Variants in SORCS2 observed in about 807,000 individuals in gnomAD.
SORCS2 encodes the protein sortilin related VPS10 domain containing receptor 2.
A neutral mutation model predicts 141.6 loss-of-function variants in SORCS2; 100 were observed. The ratio of observed to expected loss-of-function variants is 0.71; its 90% confidence interval spans 0.60 to 0.83. The LOEUF (loss-of-function observed/expected upper bound fraction) is 0.83, where lower values mean the gene tolerates loss of function less well. Among genes scored for constraint, SORCS2 ranks in the 40% least tolerant of loss-of-function variants. The pLI is 0.00. For synonymous variants in SORCS2, 789 were observed against 676.9 expected (o/e 1.17, Z -2.57); for missense variants, 1,646 against 1,560.2 (o/e 1.05, Z -0.93).
At chr4:7,394,844 A>T (rs1033152698) in intron 1 of SORCS2, among the ~76,000 whole-genome samples, 1 of 152,026 alleles carries the variant, frequency 6.6e-6, no homozygotes, top group Non-Finnish European at 1.5e-5. Context: ...CCAAGATCAG[A>T]TTGGGAGGGG....
At chr4:7,227,524 G>T (rs916769321) in intron 1 of SORCS2, among the ~76,000 whole-genome samples, 5 of 152,192 alleles carry the variant, frequency 3.3e-5, no homozygotes, top group African/African-American at 1.2e-4. Context: ...TGTGGGTGAG[G>T]TGGGCTTTCT....
chr4:7,516,808 G>C (rs375849031), intron 2 of SORCS2, among the ~76,000 whole-genome samples: 2 of 152,168 alleles, frequency 1.3e-5, no homozygotes, highest in Non-Finnish European at 2.9e-5. Context: ...TCTCATCCAC[G>C]TTTGCAGGTA....
At chr4:7,554,875 A>G (rs1343547002) in intron 3 of SORCS2, among the ~76,000 whole-genome samples, 4 of 152,206 alleles carry the variant, frequency 2.6e-5, no homozygotes, top group African/African-American at 9.6e-5. Flanking sequence ...ATATTGGAAC[A>G]CCTGCCTCCA....
At chr4:7,242,775 G>A (rs1355487499) in intron 1 of SORCS2, among the ~76,000 whole-genome samples, 2 of 152,222 alleles carry the variant, frequency 1.3e-5, no homozygotes, top group African/African-American at 2.4e-5. Context: ...CAGGATTTGA[G>A]CTGATGCTCG....
At chr4:7,631,400 G>C (rs11735230) in intron 3 of SORCS2, among the ~76,000 whole-genome samples, 2 of 151,542 alleles carry the variant, frequency 1.3e-5, no homozygotes, top group Non-Finnish European at 2.9e-5. Flanking sequence ...AGGCAGGGAG[G>C]GGGTGGGAGG....
At chr4:7,491,444 G>A (rs1490693653) in intron 2 of SORCS2, among the ~76,000 whole-genome samples, 1 of 152,244 alleles carries the variant, frequency 6.6e-6, no homozygotes, top group East Asian at 1.9e-4. Context: ...AGGTGCAGCG[G>A]CTGCACTTTT....
rs10006013 is a variant in SORCS2, at chr4:7,682,342, A to G, written c.1342-401A>G. On this transcript the variant is annotated intron_variant, in intron 9 of 26. Transcript: ENST00000507866. ...CTATTGGTCCAGGATGTGTGGTCCA[A>G]TAGAAAGAAGAGGCACTGGGAGGAT... 7.6e-3 allele frequency among the ~76,000 whole-genome samples: 1,161 copies of G among 152,216 alleles called. 15 individuals carry two copies. Among genetic ancestry groups the G allele is most frequent in the African/African-American group, 0.027 (1,118 of 41,526 alleles).
intron 3 of SORCS2, among the ~76,000 whole-genome samples, chr4:7,532,103 C>G (rs1341723508): frequency 6.6e-6 from 1 of 152,196 alleles, no homozygotes; most frequent in Non-Finnish European, 1.5e-5. Flanking sequence ...TGACTTTGCT[C>G]TCTGGCTGGC....
intron 3 of SORCS2, among the ~76,000 whole-genome samples, chr4:7,552,842 G>C (rs1377775550): frequency 6.6e-6 from 1 of 152,160 alleles, no homozygotes; most frequent in South Asian, 2.1e-4. Context: ...GGGGCCTCTG[G>C]AGAGAGCTTA....
chr4:7,303,187 C>T (rs981391867), intron 1 of SORCS2, among the ~76,000 whole-genome samples: 1 of 152,156 alleles, frequency 6.6e-6, no homozygotes, highest in Non-Finnish European at 1.5e-5. Flanking sequence ...TGGGGTCAGC[C>T]GAGAGACAGC....
chr4:7,740,587 A>G lies in SORCS2; in HGVS notation c.*323A>G. The G allele has an allele frequency of 2.5e-6, 1 of 407,300 alleles. No individual in the cohort carries two copies. 25.2% of individuals were successfully genotyped at this position (407,300 alleles called of 1,614,324 possible). On this transcript the variant is annotated 3_prime_UTR_variant, in exon 27 of 27. Coordinates refer to ENST00000507866, the MANE Select transcript of SORCS2 (RefSeq NM_020777.3). ...CCCGAGGCCTGACTTCTCTGGGCTG[A>G]GGCTGGTCGTCCTGGAGCCCTCCCA... is the stretch of plus-strand genomic sequence containing the variant.
chr4:7,646,247 A>G (rs533085399), intron 4 of SORCS2, among the ~76,000 whole-genome samples: 72 of 152,126 alleles, frequency 4.7e-4, no homozygotes, highest in East Asian at 2.5e-3. Context: ...GGCTGGGGAC[A>G]GTGCCGCCAA....
At chr4:7,466,861 T>G (rs1346479636) in intron 2 of SORCS2, among the ~76,000 whole-genome samples, 2 of 152,162 alleles carry the variant, frequency 1.3e-5, no homozygotes, top group African/African-American at 4.8e-5. Flanking sequence ...ACGCTGTCAC[T>G]TGACCTCTAT....
chr4:7,392,162 G>T (rs1723907555), intron 1 of SORCS2, among the ~76,000 whole-genome samples: 1 of 152,230 alleles, frequency 6.6e-6, no homozygotes, highest in Non-Finnish European at 1.5e-5. Flanking sequence ...CCACGCTGTG[G>T]AACTCCTCGT....
At chr4:7,714,877 C>T (rs1158866066) in intron 16 of SORCS2, among the ~76,000 whole-genome samples, 1 of 152,044 alleles carries the variant, frequency 6.6e-6, no homozygotes, top group Admixed American at 6.5e-5. Context: ...TCAGGCTGGG[C>T]CCTGCCAGCA....
chr4:7,573,308 A>G (rs1715517879), intron 3 of SORCS2, among the ~76,000 whole-genome samples: 1 of 152,176 alleles, frequency 6.6e-6, no homozygotes, highest in Non-Finnish European at 1.5e-5. Flanking sequence ...AAAATTAGCC[A>G]CTCCAGAGAC....
At chr4:7,377,887 T>C (rs1722759812) in intron 1 of SORCS2, among the ~76,000 whole-genome samples, 1 of 152,254 alleles carries the variant, frequency 6.6e-6, no homozygotes, top group African/African-American at 2.4e-5. Context: ...CCGTGGAAGA[T>C]ACATTGAGTT....
intron 3 of SORCS2, among the ~76,000 whole-genome samples, chr4:7,604,209 G>A (rs1717913454): frequency 1.3e-5 from 2 of 152,152 alleles, no homozygotes; most frequent in African/African-American, 4.8e-5. Flanking sequence ...ATCTCAACCT[G>A]GAATCCCCAC....
intron 3 of SORCS2, among the ~76,000 whole-genome samples, chr4:7,560,888 T>G (rs890151001): frequency 6.6e-6 from 1 of 152,132 alleles, no homozygotes; most frequent in African/African-American, 2.4e-5. Context: ...TGGGTGCAAA[T>G]GTAGCCTTGG....
Sources: gnomAD v4.1 joint callset for allele counts (sites outside exome capture counted in the v4.1 genomes callset) on GRCh38, gnomAD v4.1.1 for gene constraint, MANE v1.5 for transcripts, NCBI Gene and HGNC (gene_info 2026-07-23, HGNC 2026-07-21) for gene names.